Variants in TRMT9B observed in about 807,000 individuals in gnomAD.
TRMT9B encodes the protein tRNA methyltransferase 9B (putative), also known as probable tRNA methyltransferase 9B.
In TRMT9B, 16 loss-of-function variants were observed where a neutral mutation model predicts 11.5. That is an observed-to-expected ratio of 1.39 (90% CI 0.94 to 2.11). TRMT9B has a LOEUF of 2.11. TRMT9B is among the 30% of genes most tolerant of loss of function. TRMT9B has a pLI of 0.00. For missense variants in TRMT9B, 941 were observed against 553.8 expected (o/e 1.70, Z -7.02); for synonymous variants, 274 against 192.4 (o/e 1.42, Z -3.51).
Position 13,021,801 on chromosome 8 carries a change from A to G in TRMT9B, c.1122A>G (p.Lys374=). 7.4e-6 allele frequency: 12 copies of G among 1,613,794 alleles called. No individual in the cohort carries two copies. The highest frequency in any genetic ancestry group is 1.0e-5 in the Non-Finnish European group (12 of 1,179,772). The change falls in exon 5 of 5, where the codon AAA becomes AAG. Residue 374 remains lysine (K), a synonymous_variant. Coordinates refer to ENST00000524591, the MANE Select transcript of TRMT9B (RefSeq NM_020844.3). ...NIEDDNPSAS[K]ILRRISAVDS... ...AAGATGATAATCCTTCTGCTAGTAA[A>G]ATATTGAGAAGGATTTCTGCAGTTG... is the stretch of plus-strand genomic sequence containing the variant.
intron 1 of TRMT9B, among the ~76,000 whole-genome samples, chr8:12,981,977 T>G (rs886758997): frequency 6.6e-6 from 1 of 152,248 alleles, no homozygotes; most frequent in African/African-American, 2.4e-5. Flanking sequence ...CTCCTTTGGT[T>G]TGAGATCATG....
rs373224719 is a variant in TRMT9B, at chr8:13,011,506, A to T, written c.155-1178A>T. 5.8e-4 allele frequency: 560 copies of T among 965,892 alleles called. 7 individuals carry two copies. In the South Asian group the frequency reaches 0.014, roughly 24 times the overall value. 59.8% of individuals were successfully genotyped at this position (965,892 alleles called of 1,614,324 possible). A position where few individuals can be genotyped will look rare whatever the true frequency, so the allele number is the denominator to read the frequency against. ...CAGTAATGCCAATAAGTACAAATAT[A>T]GGCTCTAATGATTTCTTTTAATATT... On this transcript the variant is annotated intron_variant, in intron 3 of 4. Transcript: ENST00000524591.
chr8:12,956,088 G>A lies in TRMT9B; in HGVS notation c.-200+10122G>A, dbSNP rs573100042. ...AGATGCTCTCCACTTTCCTTCTTACGCTACTCATCTCCCTGCAAGAACACT... is the reference window on the plus strand; with the variant it reads ...AGATGCTCTCCACTTTCCTTCTTACACTACTCATCTCCCTGCAAGAACACT... On this transcript the variant is annotated intron_variant, in intron 1 of 4. Coordinates refer to ENST00000524591, the MANE Select transcript of TRMT9B (RefSeq NM_020844.3). 7.2e-5 allele frequency among the ~76,000 whole-genome samples: 11 copies of A among 152,208 alleles called. No homozygotes were observed. In the South Asian group the frequency reaches 1.2e-3, roughly 17 times the overall value.
Position 12,965,482 on chromosome 8 carries a change from A to G in TRMT9B, c.-200+19516A>G, listed in dbSNP as rs77572830. The stretch of plus-strand genomic sequence containing the variant: ...TTCCCCAGCATCCGGATCCCCGTCC[A>G]GAACCAAGGTGGCCTGTGAGCTGTC... On this transcript the variant is annotated intron_variant, in intron 1 of 4. Coordinates refer to ENST00000524591, the MANE Select transcript of TRMT9B (RefSeq NM_020844.3). Among the ~76,000 whole-genome samples, 671 of 152,334 alleles carry G rather than the reference A, an allele frequency of 4.4e-3. 1 individual carries two copies. The highest frequency in any genetic ancestry group is 0.015 in the African/African-American group (631 of 41,574).
At chr8:12,981,216 G>C (rs1251226234) in intron 1 of TRMT9B, among the ~76,000 whole-genome samples, 1 of 152,178 alleles carries the variant, frequency 6.6e-6, no homozygotes, top group Non-Finnish European at 1.5e-5. Flanking sequence ...TTTGATCACT[G>C]CAAGAGTTTC....
rs1815093533 is a variant in TRMT9B, at chr8:13,029,314, T to C, written c.*7270T>C. Reference sequence around the variant, plus strand: ...CTTTTTTCTACAATGTACAGTTATTTTGACTTTTCCCAGGGGAAGCTAGCA... The same window carrying C: ...CTTTTTTCTACAATGTACAGTTATTCTGACTTTTCCCAGGGGAAGCTAGCA... On this transcript the variant is annotated 3_prime_UTR_variant, in exon 5 of 5. Transcript: ENST00000524591. The C allele has an allele frequency of 6.0e-6, 1 of 167,092 alleles. No individual in the cohort carries two copies. The highest frequency in any genetic ancestry group is 6.5e-5 in the Admixed American group (1 of 15,288). 10.4% of individuals were successfully genotyped at this position (167,092 alleles called of 1,614,324 possible).
chr8:12,987,236 A>G (rs1458917967), intron 1 of TRMT9B, among the ~76,000 whole-genome samples: 1 of 152,172 alleles, frequency 6.6e-6, no homozygotes, highest in Non-Finnish European at 1.5e-5. Context: ...AAAATGGGAG[A>G]ACTAGTAGTT....
rs549224554 is a variant in TRMT9B, at chr8:12,979,861, T to C, written c.-199-10973T>C. ...AGAGAAAACATTTTCTGGAATACAG[T>C]AGGGACTGTACAGAATCAAGAGAAC... On this transcript the variant is annotated intron_variant, in intron 1 of 4. Coordinates refer to ENST00000524591, the MANE Select transcript of TRMT9B (RefSeq NM_020844.3). Among the ~76,000 whole-genome samples, 81 of 152,262 alleles carry C rather than the reference T, an allele frequency of 5.3e-4. 2 individuals carry two copies. The South Asian group carries it at 0.014, about 27-fold the overall frequency.
intron 1 of TRMT9B, among the ~76,000 whole-genome samples, chr8:12,957,378 C>G (rs1443391353): frequency 6.6e-6 from 1 of 151,912 alleles, no homozygotes; most frequent in African/African-American, 2.4e-5. Flanking sequence ...TCTTGGTGCT[C>G]TAATCAGTGT....
At chr8:12,996,962 TTTA>T (rs140402170) in intron 2 of TRMT9B, among the ~76,000 whole-genome samples, 12 of 46,712 alleles carry the variant, frequency 2.6e-4, no homozygotes, top group African/African-American at 7.3e-4. Flanking sequence ...TTTATTTTAT[TTTA>T]TTTTATTTTA....
chr8:13,013,464 A>T (rs71522324), intron 4 of TRMT9B, among the ~76,000 whole-genome samples: 7,358 of 152,286 alleles, frequency 0.048, 230 homozygotes, highest in South Asian at 0.094. Context: ...GAAAACACAC[A>T]TGCCAAAAAA....
chr8:12,990,163 T>A (rs1181462240), intron 1 of TRMT9B, among the ~76,000 whole-genome samples: 1 of 152,178 alleles, frequency 6.6e-6, no homozygotes, highest in African/African-American at 2.4e-5. Flanking sequence ...GGAAAAATGG[T>A]TGCAGGCTGG....
At chr8:12,970,692 G>C (rs1466367289) in intron 1 of TRMT9B, among the ~76,000 whole-genome samples, 1 of 152,186 alleles carries the variant, frequency 6.6e-6, no homozygotes. Flanking sequence ...AGTTTAAAAA[G>C]TATCACTACA....
intron 4 of TRMT9B, among the ~76,000 whole-genome samples, chr8:13,014,076 T>A (rs1179028455): frequency 1.3e-5 from 2 of 152,202 alleles, no homozygotes; most frequent in African/African-American, 2.4e-5. Flanking sequence ...CTAAAATAGA[T>A]GAAAGATTGA....
intron 4 of TRMT9B, among the ~76,000 whole-genome samples, chr8:13,014,314 T>A (rs1007266670): frequency 6.6e-6 from 1 of 152,204 alleles, no homozygotes; most frequent in African/African-American, 2.4e-5. Flanking sequence ...TAGACTTCGC[T>A]TAAACAACAG....
intron 3 of TRMT9B, chr8:13,006,572 G>T: frequency 7.0e-7 from 1 of 1,420,558 alleles, no homozygotes; most frequent in Non-Finnish European, 9.2e-7. Flanking sequence ...TCCTGAAATT[G>T]CACCCTTGGC....
intron 1 of TRMT9B, among the ~76,000 whole-genome samples, chr8:12,957,788 T>C (rs1391600162): frequency 1.3e-5 from 2 of 152,206 alleles, no homozygotes; most frequent in African/African-American, 4.8e-5. Flanking sequence ...GAATTTTGTA[T>C]TTTGCATAGA....
At chr8:12,985,462 C>G (rs1312243459) in intron 1 of TRMT9B, among the ~76,000 whole-genome samples, 1 of 152,124 alleles carries the variant, frequency 6.6e-6, no homozygotes, top group African/African-American at 2.4e-5. Flanking sequence ...AAAGTGTCAC[C>G]CCAATCTAGA....
At chr8:12,961,229 T>A (rs1379731065) in intron 1 of TRMT9B, among the ~76,000 whole-genome samples, 1 of 152,120 alleles carries the variant, frequency 6.6e-6, no homozygotes, top group Non-Finnish European at 1.5e-5. Flanking sequence ...CAAAGAACTG[T>A]CTAATACAAA....
Sources: allele counts gnomAD v4.1 joint callset (sites outside exome capture counted in the v4.1 genomes callset), GRCh38; gene constraint gnomAD v4.1.1; transcripts MANE v1.5; gene names NCBI Gene and HGNC (gene_info 2026-07-23, HGNC 2026-07-21).